The following LHFPL2 variants were observed in gnomAD, a reference collection of about 807,000 sequenced individuals.
LHFPL2 encodes LHFPL tetraspan subfamily member 2 protein.
A neutral mutation model predicts 17.5 loss-of-function variants in LHFPL2; 7 were observed. That is an observed-to-expected ratio of 0.40 (90% CI 0.23 to 0.75). The LOEUF is 0.75. LHFPL2 is among the 30% of genes least tolerant of loss of function. The pLI, the probability that LHFPL2 is intolerant of heterozygous loss-of-function variation, is 0.37. For synonymous variants in LHFPL2, 134 were observed against 116.2 expected (o/e 1.15, Z -0.99); for missense variants, 241 against 294.8 (o/e 0.82, Z 1.34).
intron 3 of LHFPL2, among the ~76,000 whole-genome samples, chr5:78,522,457 A>T (rs1755486913): frequency 1.3e-5 from 2 of 152,186 alleles, no homozygotes; most frequent in Non-Finnish European, 2.9e-5. Flanking sequence ...AAAAAATTTT[A>T]AAAAGGAGTC....
intron 3 of LHFPL2, among the ~76,000 whole-genome samples, chr5:78,523,483 C>T (rs1755522381): frequency 6.6e-6 from 1 of 152,032 alleles, no homozygotes; most frequent in Non-Finnish European, 1.5e-5. Context: ...CCTGGGGATG[C>T]TATCTGCCTG....
At chr5:78,580,799 C>G (rs1743101608) in intron 2 of LHFPL2, among the ~76,000 whole-genome samples, 2 of 151,904 alleles carry the variant, frequency 1.3e-5, no homozygotes, top group Non-Finnish European at 2.9e-5. Context: ...CAGCTTTGTT[C>G]TTTTGGCTTA....
intron 2 of LHFPL2, among the ~76,000 whole-genome samples, chr5:78,601,337 T>G (rs1744005525): frequency 6.6e-6 from 1 of 152,184 alleles, no homozygotes. Context: ...ATGTTCACAG[T>G]TGAGAAGGCA....
Position 78,572,826 on chromosome 5 carries a change from G to T in LHFPL2, c.-244-7955C>A, listed in dbSNP as rs183489480. 8.7e-3 allele frequency among the ~76,000 whole-genome samples: 1,322 copies of T among 152,244 alleles called. 5 individuals are homozygous for T. Among genetic ancestry groups the T allele is most frequent in the Non-Finnish European group, 0.013 (905 of 68,022 alleles). ...CTGTTTCCTGGAATACAATTTTTCT[G>T]TGGGCAATGGGTAAGGGAGAGATGG... On this transcript the variant is annotated intron_variant, in intron 2 of 4. Coordinates refer to ENST00000380345, the MANE Select transcript of LHFPL2 (RefSeq NM_005779.3).
chr5:78,569,683 G>T (rs932012502), intron 2 of LHFPL2, among the ~76,000 whole-genome samples: 2 of 152,146 alleles, frequency 1.3e-5, no homozygotes, highest in African/African-American at 4.8e-5. Flanking sequence ...CTTGCCAAAG[G>T]CTGGACTGTG....
At chr5:78,495,918 C>T (rs562044378) in intron 4 of LHFPL2, among the ~76,000 whole-genome samples, 130 of 152,276 alleles carry the variant, frequency 8.5e-4, no homozygotes, top group Middle Eastern at 3.4e-3. Flanking sequence ...TCACACTACA[C>T]ACATCACCAT....
intron 3 of LHFPL2, among the ~76,000 whole-genome samples, chr5:78,535,099 T>C (rs951290347): frequency 6.6e-6 from 1 of 152,218 alleles, no homozygotes; most frequent in South Asian, 2.1e-4. Flanking sequence ...CTGGTTCCAT[T>C]ACATTTTCTT....
At chr5:78,615,861 A>G (rs183180909) in intron 2 of LHFPL2, among the ~76,000 whole-genome samples, 255 of 152,194 alleles carry the variant, frequency 1.7e-3, no homozygotes, top group African/African-American at 5.9e-3. Flanking sequence ...CTTTTCGACC[A>G]TCTGATAAGG....
chr5:78,527,363 G>GGT (rs1755647785), intron 3 of LHFPL2, among the ~76,000 whole-genome samples: 1 of 108,104 alleles, frequency 9.3e-6, no homozygotes, highest in Non-Finnish European at 1.8e-5. Flanking sequence ...CTGATGAGGA[G>GGT]TTTTTTTTTT....
chr5:78,648,726 A>C lies in LHFPL2; in HGVS notation c.-577T>G, dbSNP rs1745981751. 1 of 149,608 alleles carries C rather than the reference A, an allele frequency of 6.7e-6. No individual in the cohort carries two copies. Among genetic ancestry groups the C allele is most frequent in the Admixed American group, 6.6e-5 (1 of 15,086 alleles). 9.3% of individuals were successfully genotyped at this position (149,608 alleles called of 1,614,324 possible). A position where few individuals can be genotyped will look rare whatever the true frequency, so the allele number is the denominator to read the frequency against. On this transcript the variant is annotated 5_prime_UTR_variant, in exon 1 of 5. Coordinates refer to ENST00000380345, the MANE Select transcript of LHFPL2 (RefSeq NM_005779.3). This position sits in a 1 kb window ranked among gnomAD's most constrained non-coding sequence, Gnocchi z 5.4. The stretch of plus-strand genomic sequence containing the variant: ...GGGGGAGGAGGCAGCGAGGCGAGAG[A>C]GCGCCAAGCTCGGCGGCCGCCCGGG...
chr5:78,535,953 A>G (rs1755939096), intron 3 of LHFPL2, among the ~76,000 whole-genome samples: 1 of 152,184 alleles, frequency 6.6e-6, no homozygotes, highest in Admixed American at 6.5e-5. Flanking sequence ...ACGGGGACCT[A>G]GGCATTCTCC....
chr5:78,605,663 A>G (rs535533850), intron 2 of LHFPL2, among the ~76,000 whole-genome samples: 2 of 152,270 alleles, frequency 1.3e-5, no homozygotes, highest in East Asian at 1.9e-4. Context: ...TTTTAATTAA[A>G]TAATTCTTAC....
At chr5:78,518,601 G>A (rs531113874) in intron 3 of LHFPL2, among the ~76,000 whole-genome samples, 11 of 152,298 alleles carry the variant, frequency 7.2e-5, no homozygotes, top group Middle Eastern at 3.4e-3. Flanking sequence ...AATACAGAAC[G>A]ATCCTTCAAC....
chr5:78,573,781 T>C (rs1204431311), intron 2 of LHFPL2, among the ~76,000 whole-genome samples: 3 of 152,252 alleles, frequency 2.0e-5, no homozygotes, highest in African/African-American at 4.8e-5. Flanking sequence ...ATCACAAGTT[T>C]TAAAATTCTA....
intron 1 of LHFPL2, among the ~76,000 whole-genome samples, chr5:78,640,399 G>C (rs1384509573): frequency 3.9e-5 from 6 of 152,176 alleles, no homozygotes; most frequent in Admixed American, 3.9e-4. Flanking sequence ...CTGGATTTGG[G>C]TTGCAACCCC....
intron 3 of LHFPL2, among the ~76,000 whole-genome samples, chr5:78,519,164 A>T (rs1424955878): frequency 6.6e-6 from 1 of 152,100 alleles, no homozygotes; most frequent in Non-Finnish European, 1.5e-5. Flanking sequence ...TCCGTAAGAG[A>T]GAGACGCGAG....
At chr5:78,616,288 G>A (rs558522615) in intron 2 of LHFPL2, among the ~76,000 whole-genome samples, 11 of 152,032 alleles carry the variant, frequency 7.2e-5, no homozygotes, top group Admixed American at 5.9e-4. Context: ...CACCTCACCC[G>A]GCTAATTTTT....
At chr5:78,489,226 T>TA (rs1754357231) in intron 4 of LHFPL2, 73 bp from the exon 5 acceptor site, 1 of 1,561,606 alleles carries the variant, frequency 6.4e-7, no homozygotes, top group Non-Finnish European at 8.7e-7. Context: ...TTGTAATTGT[T>TA]ACTTGATTTG....
In LHFPL2 at chr5:78,559,257, G is replaced by A. The variant is rs371152809; in HGVS notation, c.-186+5556C>T. On this transcript the variant is annotated intron_variant, in intron 3 of 4. Transcript: ENST00000380345. ...ACTCCCAAATACTTACAAAGTGGAT[G>A]TTATAGTTAAGCCCCCATTCACTCT... Among the ~76,000 whole-genome samples the A allele has an allele frequency of 2.6e-5, 4 of 152,312 alleles. No homozygotes were observed. The South Asian group carries it at 8.3e-4, about 32-fold the overall frequency.
Sources: allele counts gnomAD v4.1 joint callset (sites outside exome capture counted in the v4.1 genomes callset), GRCh38; gene constraint gnomAD v4.1.1; non-coding constraint Gnocchi (gnomAD v3.1); transcripts MANE v1.5; gene names NCBI Gene and HGNC (gene_info 2026-07-23, HGNC 2026-07-21).